Variants in DFFA observed in about 807,000 individuals in gnomAD.
DFFA encodes the protein DFF45.
In DFFA, 14 loss-of-function variants were observed where a neutral mutation model predicts 28.0. That is an observed-to-expected ratio of 0.50 (90% CI 0.33 to 0.78). The LOEUF is 0.78. Among genes scored for constraint, DFFA ranks in the 30% least tolerant of loss-of-function variants. The probability of loss-of-function intolerance (pLI) is 0.02; values close to 1 mark genes in which losing one functional copy is unlikely to be tolerated. For missense variants in DFFA, 395 were observed against 407.1 expected (o/e 0.97, Z 0.26); for synonymous variants, 158 against 170.3 (o/e 0.93, Z 0.56).
Position 10,461,448 on chromosome 1 carries a change from A to T in DFFA, c.*42T>A. On this transcript the variant is annotated 3_prime_UTR_variant, in exon 6 of 6. Transcript: ENST00000377038. ...ATGAGGCTGAGGGTGTCTACCAATA[A>T]CACAACGCCACAGAGCTTCCTTGGC... The T allele has an allele frequency of 3.2e-6, 5 of 1,584,732 alleles. No individual in the cohort carries two copies. Among genetic ancestry groups the T allele is most frequent in the Non-Finnish European group, 4.3e-6 (5 of 1,164,064 alleles).
chr1:10,472,527 G>C lies in DFFA; in HGVS notation c.-69C>G. 7 of 1,511,068 alleles carry C rather than the reference G, an allele frequency of 4.6e-6. No homozygotes were observed. Among genetic ancestry groups the C allele is most frequent in the Non-Finnish European group, 6.3e-6 (7 of 1,119,536 alleles). The allele number at this position is 1,511,068 out of a possible 1,614,324, so 93.6% of individuals were successfully genotyped here. A position where few individuals can be genotyped will look rare whatever the true frequency, so the allele number is the denominator to read the frequency against. On this transcript the variant is annotated 5_prime_UTR_variant, in exon 1 of 6. Transcript: ENST00000377038. The surrounding 1 kb of genome is among the most constrained non-coding windows in gnomAD (Gnocchi z 5.0). Reference sequence around the variant, plus strand: ...GGCCGGAGCGGCGGTCCTTCTACTCGACCCCCTTCCGCAGCCTGCCGGGAG... The same window carrying C: ...GGCCGGAGCGGCGGTCCTTCTACTCCACCCCCTTCCGCAGCCTGCCGGGAG...
chr1:10,461,685 G>A lies in DFFA; in HGVS notation c.801C>T (p.Asp267=), dbSNP rs747907798. 2.5e-6 allele frequency: 4 copies of A among 1,614,206 alleles called. No individual in the cohort carries two copies. The East Asian group carries it at 8.9e-5, about 36-fold the overall frequency. Residue 267 remains aspartate (D), a synonymous_variant, in exon 6 of 6, where the codon GAC becomes GAT. Transcript: ENST00000377038. Reference sequence around the variant, plus strand: ...TCAAGGCAACAGCCAGTGCTTTGGGGTCTTCCTTGGTAACCAACTGCAGCA... The same window carrying A: ...TCAAGGCAACAGCCAGTGCTTTGGGATCTTCCTTGGTAACCAACTGCAGCA... ...SQDLELVTKE[D]PKALAVALNW...
Position 10,472,385 on chromosome 1 carries a change from C to A in DFFA, c.74G>T (p.Arg25Leu), listed in dbSNP as rs202121774. The A allele has an allele frequency of 3.6e-4, 588 of 1,612,162 alleles. No homozygotes were observed. Among genetic ancestry groups the A allele is most frequent in the Non-Finnish European group, 4.7e-4 (556 of 1,179,164 alleles). Residue 25 changes from arginine (R) to leucine (L), a missense_variant, in exon 1 of 6, where the codon CGC becomes CTC. Coordinates refer to ENST00000377038, the MANE Select transcript of DFFA (RefSeq NM_004401.3). This position sits in a 1 kb window ranked among gnomAD's most constrained non-coding sequence, Gnocchi z 5.0. ...GCCGTGCTGTTCGCGGCTGTAGTTG[C>A]GGCGCAGCAGACACGGCTTTAGAGT... is the stretch of plus-strand genomic sequence containing the variant. ...IRTLKPCLLRRNYSREQHGVA... is the reference protein window; with the variant it reads ...IRTLKPCLLRLNYSREQHGVA...
intron 3 of DFFA, among the ~76,000 whole-genome samples, chr1:10,465,235 C>T (rs1243885108): frequency 6.6e-6 from 1 of 152,186 alleles, no homozygotes; most frequent in African/African-American, 2.4e-5. Flanking sequence ...GCTGGGACTA[C>T]AGGCACACGC....
chr1:10,461,828 G>A, intron 5 of DFFA, 126 bp from the exon 6 acceptor site: 2 of 1,474,656 alleles, frequency 1.4e-6, no homozygotes, highest in East Asian at 2.3e-5. Context: ...ACACTGAAAT[G>A]CCGGGTTTCC....
rs1404522584 is a variant in DFFA, at chr1:10,461,188, G to GT, written c.*301dup. The GT allele has an allele frequency of 1.0e-5, 3 of 294,548 alleles. No individual in the cohort carries two copies. Among genetic ancestry groups the GT allele is most frequent in the African/African-American group, 6.3e-5 (3 of 47,324 alleles). The allele number at this position is 294,548 out of a possible 1,614,324, so 18.2% of individuals were successfully genotyped here. On this transcript the variant is annotated 3_prime_UTR_variant, in exon 6 of 6. Transcript: ENST00000377038. ...GCCTCCCAGTGCTGGGATTACAGGC[G>GT]TGAGCCACTGCGCCTGGCCAATCAC...
Position 10,458,154 on chromosome 1 carries a change from C to T in DFFA, c.*3336G>A, listed in dbSNP as rs565721495. On this transcript the variant is annotated 3_prime_UTR_variant, in exon 6 of 6. Coordinates refer to ENST00000377038, the MANE Select transcript of DFFA (RefSeq NM_004401.3). ...TGTTTGAGCTGACAATCCCCGTGCC[C>T]CATGTGCCAATCAGCCTCTGTCGGA... The T allele has an allele frequency of 3.4e-4, 52 of 152,318 alleles. No individual in the cohort carries two copies. Among genetic ancestry groups the T allele is most frequent in the African/African-American group, 1.2e-3 (51 of 41,568 alleles). The allele number at this position is 152,318 out of a possible 1,614,324, so 9.4% of individuals were successfully genotyped here.
chr1:10,462,136 G>A (rs1200533734), intron 5 of DFFA, among the ~76,000 whole-genome samples: 1 of 152,060 alleles, frequency 6.6e-6, no homozygotes, highest in South Asian at 2.1e-4. Flanking sequence ...GGGATTACAG[G>A]CGTGAGCCAC....
At chr1:10,463,643 T>C (rs1215708858) in intron 3 of DFFA, 23 bp from the exon 4 acceptor site, 3 of 1,586,254 alleles carry the variant, frequency 1.9e-6, no homozygotes, top group Non-Finnish European at 2.6e-6. Flanking sequence ...CACAGACGCT[T>C]AGAAATCTAC....
At chr1:10,466,538 G>C (rs949939895) in intron 3 of DFFA, among the ~76,000 whole-genome samples, 1 of 152,032 alleles carries the variant, frequency 6.6e-6, no homozygotes, top group Non-Finnish European at 1.5e-5. Flanking sequence ...CTAAGCTACT[G>C]GCTCAAAGTC....
rs1413775882 is a variant in DFFA, at chr1:10,456,760, T to A, written c.*4730A>T. 6.6e-6 allele frequency: 1 copy of A among 152,254 alleles called. No individual in the cohort carries two copies. Among genetic ancestry groups the A allele is most frequent in the Non-Finnish European group, 1.5e-5 (1 of 68,050 alleles). The allele number at this position is 152,254 out of a possible 1,614,324, so 9.4% of individuals were successfully genotyped here. A position where few individuals can be genotyped will look rare whatever the true frequency, so the allele number is the denominator to read the frequency against. ...TGCCTCATGAGGACCGACATTTGAC[T>A]TAAGCTGAAATAATGGAATATGGCT... On this transcript the variant is annotated 3_prime_UTR_variant, in exon 6 of 6. Transcript: ENST00000377038.
chr1:10,461,487 C>A lies in DFFA; in HGVS notation c.*3G>T. 3.7e-6 allele frequency: 6 copies of A among 1,612,980 alleles called. No individual in the cohort carries two copies. The highest frequency in any genetic ancestry group is 5.1e-6 in the Non-Finnish European group (6 of 1,179,452). ...AGCTTCCTTGGCACACTTCCCGCTG[C>A]TGCTATGTGGGATCCTGTCTGGCTC... On this transcript the variant is annotated 3_prime_UTR_variant, in exon 6 of 6. Coordinates refer to ENST00000377038, the MANE Select transcript of DFFA (RefSeq NM_004401.3).
Position 10,470,311 on chromosome 1 carries a change from C to T in DFFA, c.137-973G>A, listed in dbSNP as rs929173185. On this transcript the variant is annotated intron_variant, in intron 1 of 5. Transcript: ENST00000377038. ...GAAAGTATGTTTACTCCAGCTACTC[C>T]ACACTCATGTATGGTAGGCATTTGA... 5.9e-5 allele frequency among the ~76,000 whole-genome samples: 9 copies of T among 152,084 alleles called. No individual in the cohort carries two copies. The East Asian group carries it at 1.7e-3, about 29-fold the overall frequency.
chr1:10,463,557 G>T lies in DFFA; in HGVS notation c.505C>A (p.Gln169Lys). Residue 169 changes from glutamine (Q) to lysine (K), a missense_variant, in exon 4 of 6, where the codon CAG becomes AAG. By Grantham distance (53) the Gln-to-Lys change is moderately conservative (BLOSUM62 1). Coordinates refer to ENST00000377038, the MANE Select transcript of DFFA (RefSeq NM_004401.3). ...TGTTGGAGTGTGTGCTGCAGCCGCT[G>T]GACGGTGGCACAACTCTGACGTAGT... ...QELRQSCATV[Q>K]RLQHTLQQVL... 1 of 1,614,224 alleles carries T rather than the reference G, an allele frequency of 6.2e-7. No homozygotes were observed. Among genetic ancestry groups the T allele is most frequent in the Non-Finnish European group, 8.5e-7 (1 of 1,180,040 alleles).
rs894337574 is a variant in DFFA, at chr1:10,461,147, C to A, written c.*343G>T. On this transcript the variant is annotated 3_prime_UTR_variant, in exon 6 of 6. Transcript: ENST00000377038. The stretch of plus-strand genomic sequence containing the variant: ...GGATGGTCTCGATCTCCTGACTTCA[C>A]GATCCGCCCCCCTCGGCCTCCCAGT... 7.6e-5 allele frequency: 15 copies of A among 197,666 alleles called. No homozygotes were observed. Among genetic ancestry groups the A allele is most frequent in the Non-Finnish European group, 1.5e-4 (14 of 94,888 alleles). The allele number at this position is 197,666 out of a possible 1,614,324, so 12.2% of individuals were successfully genotyped here. A position where few individuals can be genotyped will look rare whatever the true frequency, so the allele number is the denominator to read the frequency against.
intron 3 of DFFA, 141 bp downstream of exon 3, chr1:10,467,049 T>C (rs1428659814): frequency 2.1e-6 from 2 of 965,392 alleles, no homozygotes; most frequent in Non-Finnish European, 2.9e-6. Context: ...AGATGAAAAA[T>C]CTTAGTTGTA....
chr1:10,463,044 T>C lies in DFFA; in HGVS notation c.783+14A>G. The stretch of plus-strand genomic sequence containing the variant: ...GTCCTCCTCTGTAGCTCAGTGACCC[T>C]GGTTTCCGCCCACCTCCAAATCCTG... On this transcript the variant is annotated intron_variant, in intron 5 of 5. Coordinates refer to ENST00000377038, the MANE Select transcript of DFFA (RefSeq NM_004401.3). 1.2e-6 allele frequency: 2 copies of C among 1,614,070 alleles called. No individual in the cohort carries two copies. The highest frequency in any genetic ancestry group is 2.2e-5 in the South Asian group (2 of 91,084).
At chr1:10,467,434 A>C in intron 2 of DFFA, 102 bp from the exon 3 acceptor site, 1 of 1,266,256 alleles carries the variant, frequency 7.9e-7, no homozygotes, top group Non-Finnish European at 1.1e-6. Flanking sequence ...GATTAATTTC[A>C]ATGGGAAAGA....
chr1:10,461,724 C>G, intron 5 of DFFA, 22 bp from the exon 6 acceptor site: 1 of 1,613,222 alleles, frequency 6.2e-7, no homozygotes, highest in Non-Finnish European at 8.5e-7. Context: ...ATAAAAACCC[C>G]TGAGAACTGG....
Sources: allele counts gnomAD v4.1 joint callset (sites outside exome capture counted in the v4.1 genomes callset), GRCh38; gene constraint gnomAD v4.1.1; non-coding constraint Gnocchi (gnomAD v3.1); transcripts MANE v1.5; gene names NCBI Gene and HGNC (gene_info 2026-07-23, HGNC 2026-07-21).